Variants in KCNQ3 observed in about 807,000 individuals in gnomAD.
KCNQ3 encodes potassium voltage-gated channel subfamily KQT member 3.
Under a neutral mutation model 92.5 loss-of-function variants are expected in KCNQ3, and 30 were observed. The ratio of observed to expected loss-of-function variants is 0.32; its 90% CI spans 0.24 to 0.44. The LOEUF (loss-of-function observed/expected upper bound fraction) is 0.44, where lower values mean the gene tolerates loss of function less well. Among genes scored for constraint, KCNQ3 ranks in the 20% least tolerant of loss-of-function variants. KCNQ3 has a pLI of 1.00. For missense variants in KCNQ3, 913 were observed against 1,140.3 expected, an observed-to-expected ratio of 0.80 and a Z score of 2.87; for synonymous variants, 450 against 468.8, an observed-to-expected ratio of 0.96 and a Z score of 0.52.
intron 1 of KCNQ3, among the ~76,000 whole-genome samples, chr8:132,215,474 C>T (rs963799678): frequency 2.0e-5 from 3 of 152,150 alleles, no homozygotes; most frequent in South Asian, 2.1e-4. Context: ...TCCATAAAGA[C>T]GATTAAGGAG....
At chr8:132,381,460 T>C (rs1158144888) in intron 1 of KCNQ3, among the ~76,000 whole-genome samples, 1 of 152,228 alleles carries the variant, frequency 6.6e-6, no homozygotes, top group African/African-American at 2.4e-5. Flanking sequence ...TAGAGAATTC[T>C]AGGTCTTCTA....
chr8:132,347,818 A>C (rs1044525677), intron 1 of KCNQ3, among the ~76,000 whole-genome samples: 4 of 149,950 alleles, frequency 2.7e-5, no homozygotes, highest in African/African-American at 9.8e-5. Context: ...TCTACTAAAA[A>C]TACAAACAAT....
At chr8:132,346,872 T>G (rs1334224709) in intron 1 of KCNQ3, among the ~76,000 whole-genome samples, 1 of 152,116 alleles carries the variant, frequency 6.6e-6, no homozygotes, top group African/African-American at 2.4e-5. Context: ...AAACGGCTGT[T>G]TTGTGGGAAG....
chr8:132,455,444 CT>C (rs1339389051), intron 1 of KCNQ3, among the ~76,000 whole-genome samples: 1 of 152,146 alleles, frequency 6.6e-6, no homozygotes, highest in Non-Finnish European at 1.5e-5. Context: ...ATATATTTTA[CT>C]ACAATTAAAA....
intron 1 of KCNQ3, among the ~76,000 whole-genome samples, chr8:132,307,102 A>G (rs1317156342): frequency 6.6e-6 from 1 of 152,228 alleles, no homozygotes. Flanking sequence ...CTGAGCATAT[A>G]AAGCTGAAAT....
rs1048838626 is a variant in KCNQ3 at position 132,128,138 on chromosome 8, A to C, written c.*1124T>G. 6.6e-6 allele frequency: 1 copy of C among 152,150 alleles called. No homozygotes were observed. Among genetic ancestry groups the C allele is most frequent in the Non-Finnish European group, 1.5e-5 (1 of 68,022 alleles). 9.4% of individuals were successfully genotyped at this position (152,150 alleles called of 1,614,324 possible). The stretch of plus-strand genomic sequence containing the variant: ...AGTCATATATCTTGACACAATCTCT[A>C]GGATGCATTATATAAATGGAAGAAT... On this transcript the variant is annotated 3_prime_UTR_variant, in exon 15 of 15. Coordinates refer to ENST00000388996, the MANE Select transcript of KCNQ3 (RefSeq NM_004519.4).
chr8:132,315,810 T>G (rs1226555982), intron 1 of KCNQ3, among the ~76,000 whole-genome samples: 1 of 152,234 alleles, frequency 6.6e-6, no homozygotes, highest in Non-Finnish European at 1.5e-5. Flanking sequence ...GGCCACTCTA[T>G]GTATTATTAA....
At chr8:132,311,973 G>A (rs1817607045) in intron 1 of KCNQ3, among the ~76,000 whole-genome samples, 1 of 115,686 alleles carries the variant, frequency 8.6e-6, no homozygotes, top group African/African-American at 2.9e-5. Context: ...GAAGAGGAGA[G>A]GAGACACAGA....
At chr8:132,149,504 C>T (rs908830711) in intron 9 of KCNQ3, among the ~76,000 whole-genome samples, 1 of 152,160 alleles carries the variant, frequency 6.6e-6, no homozygotes, top group South Asian at 2.1e-4. Context: ...TTTTTTGGTG[C>T]CCAGAACATG....
At chr8:132,160,586 TAAG>T (rs1455431178) in intron 9 of KCNQ3, among the ~76,000 whole-genome samples, 3 of 152,330 alleles carry the variant, frequency 2.0e-5, no homozygotes, top group African/African-American at 4.8e-5. Context: ...ATATATAAAA[TAAG>T]AACCTTATTA....
chr8:132,334,000 G>A (rs1273459183), intron 1 of KCNQ3, among the ~76,000 whole-genome samples: 2 of 151,866 alleles, frequency 1.3e-5, no homozygotes, highest in South Asian at 4.2e-4. Flanking sequence ...CCCAAAGCAT[G>A]TGAGCCACCA....
intron 1 of KCNQ3, among the ~76,000 whole-genome samples, chr8:132,335,640 G>GA (rs1417645045): frequency 6.6e-6 from 1 of 152,000 alleles, no homozygotes; most frequent in Non-Finnish European, 1.5e-5. Context: ...CCTTACAACT[G>GA]AAAAAAGGCA....
At chr8:132,301,741 T>C (rs1454219364) in intron 1 of KCNQ3, among the ~76,000 whole-genome samples, 3 of 151,928 alleles carry the variant, frequency 2.0e-5, no homozygotes, top group Non-Finnish European at 2.9e-5. Flanking sequence ...GATACAGAAA[T>C]GGGATCAGAC....
At chr8:132,312,566 C>T (rs1336325848) in intron 1 of KCNQ3, among the ~76,000 whole-genome samples, 1 of 152,140 alleles carries the variant, frequency 6.6e-6, no homozygotes, top group Admixed American at 6.5e-5. Flanking sequence ...GCTCTGTGTC[C>T]ACACTCAGAT....
chr8:132,382,531 T>A (rs1449838381), intron 1 of KCNQ3, among the ~76,000 whole-genome samples: 2 of 152,318 alleles, frequency 1.3e-5, no homozygotes, highest in African/African-American at 4.8e-5. Context: ...CTTGTCTCTA[T>A]CAATTACCCA....
chr8:132,425,040 C>T (rs919207253), intron 1 of KCNQ3, among the ~76,000 whole-genome samples: 1 of 152,160 alleles, frequency 6.6e-6, no homozygotes, highest in African/African-American at 2.4e-5. Flanking sequence ...GAGTTTCTTC[C>T]TGGGGATTCC....
chr8:132,277,859 G>A, intron 1 of KCNQ3: 1 of 782,098 alleles, frequency 1.3e-6, no homozygotes, highest in African/African-American at 1.9e-5. Flanking sequence ...CAGGTTGTTG[G>A]AAGGTTTTTT....
chr8:132,427,256 G>A (rs1276436929), intron 1 of KCNQ3, among the ~76,000 whole-genome samples: 1 of 152,188 alleles, frequency 6.6e-6, no homozygotes, highest in African/African-American at 2.4e-5. Context: ...AAGAGTACCA[G>A]TCTTGCACAC....
At chr8:132,418,505 G>A (rs1820880525) in intron 1 of KCNQ3, among the ~76,000 whole-genome samples, 1 of 152,178 alleles carries the variant, frequency 6.6e-6, no homozygotes, top group Non-Finnish European at 1.5e-5. Context: ...AAAGTAGATG[G>A]CCGGGCACAG....
Sources: gnomAD v4.1 joint callset for allele counts (sites outside exome capture counted in the v4.1 genomes callset) on GRCh38, gnomAD v4.1.1 for gene constraint, MANE v1.5 for transcripts, NCBI Gene and HGNC (gene_info 2026-07-23, HGNC 2026-07-21) for gene names.